Variants in OLFM3 observed in about 807,000 individuals in gnomAD.
The protein encoded by OLFM3 is olfactomedin 3.
A neutral mutation model predicts 48.6 loss-of-function variants in OLFM3; 20 were observed. The ratio of observed to expected loss-of-function variants is 0.41; its 90% CI spans 0.29 to 0.60. The LOEUF is 0.60. Ranked by LOEUF, OLFM3 falls within the 20% of genes least tolerant of loss-of-function variation. OLFM3 has a pLI of 0.28. For missense variants in OLFM3, 437 were observed against 544.3 expected (o/e 0.80, Z 1.96); for synonymous variants, 222 against 198.1 (o/e 1.12, Z -1.01).
chr1:101,844,622 G>T (rs1245209703), intron 1 of OLFM3, among the ~76,000 whole-genome samples: 3 of 152,088 alleles, frequency 2.0e-5, no homozygotes, highest in Non-Finnish European at 4.4e-5. Flanking sequence ...CTAAAGTCTT[G>T]AGAGCCCTAA....
chr1:101,849,394 T>G (rs1656136551), intron 1 of OLFM3, among the ~76,000 whole-genome samples: 1 of 152,190 alleles, frequency 6.6e-6, no homozygotes, highest in African/African-American at 2.4e-5. Context: ...ACAAGCATAG[T>G]GTGAATGGTA....
chr1:101,872,777 T>G (rs1657133372), intron 1 of OLFM3, among the ~76,000 whole-genome samples: 1 of 152,088 alleles, frequency 6.6e-6, no homozygotes, highest in Non-Finnish European at 1.5e-5. Context: ...AAGATGAACA[T>G]TTTGGTAGTT....
chr1:101,932,107 T>C (rs1659462248), intron 1 of OLFM3, among the ~76,000 whole-genome samples: 1 of 152,176 alleles, frequency 6.6e-6, no homozygotes, highest in South Asian at 2.1e-4. Flanking sequence ...TGCTATACTG[T>C]AAGGCTTTAT....
chr1:101,828,234 T>C (rs1260141226), intron 3 of OLFM3, among the ~76,000 whole-genome samples: 2 of 152,186 alleles, frequency 1.3e-5, no homozygotes, highest in East Asian at 1.9e-4. Flanking sequence ...AGTGTGAGAA[T>C]AGACCAATAC....
At chr1:101,981,596 C>G (rs1661107982) in intron 1 of OLFM3, among the ~76,000 whole-genome samples, 1 of 152,194 alleles carries the variant, frequency 6.6e-6, no homozygotes, top group Admixed American at 6.5e-5. Context: ...CTCCCCTGAA[C>G]TTCAAATAAC....
chr1:101,908,416 A>C (rs1658625066), intron 1 of OLFM3, among the ~76,000 whole-genome samples: 1 of 152,184 alleles, frequency 6.6e-6, no homozygotes, highest in South Asian at 2.1e-4. Flanking sequence ...AGCTCTTGAA[A>C]TTTCACACCT....
intron 1 of OLFM3, among the ~76,000 whole-genome samples, chr1:101,843,885 G>A (rs1655853689): frequency 6.6e-6 from 1 of 152,026 alleles, no homozygotes; most frequent in Non-Finnish European, 1.5e-5. Flanking sequence ...TTTAACCTCT[G>A]CGTATTCCAT....
chr1:101,977,422 A>C (rs1660985447), intron 1 of OLFM3, among the ~76,000 whole-genome samples: 1 of 152,150 alleles, frequency 6.6e-6, no homozygotes, highest in Non-Finnish European at 1.5e-5. Context: ...TGAGTACAAA[A>C]AGAGCGTAGA....
chr1:101,887,145 A>G (rs934266743), intron 1 of OLFM3, among the ~76,000 whole-genome samples: 6 of 151,846 alleles, frequency 4.0e-5, no homozygotes, highest in African/African-American at 1.4e-4. Flanking sequence ...TATTTGTATA[A>G]CCTCCTGGTG....
intron 1 of OLFM3, among the ~76,000 whole-genome samples, chr1:101,980,245 C>T (rs946011384): frequency 9.2e-5 from 14 of 151,926 alleles, no homozygotes; most frequent in African/African-American, 1.7e-4. Flanking sequence ...GGGGGACTGT[C>T]GGGAAGGCAT....
chr1:101,956,965 A>G (rs1404016781), intron 1 of OLFM3, among the ~76,000 whole-genome samples: 1 of 151,828 alleles, frequency 6.6e-6, no homozygotes, highest in Non-Finnish European at 1.5e-5. Context: ...GAGAATGTCC[A>G]TCCTAGGATC....
At chr1:101,885,928 C>T (rs1043098265) in intron 1 of OLFM3, among the ~76,000 whole-genome samples, 7 of 152,134 alleles carry the variant, frequency 4.6e-5, no homozygotes, top group Admixed American at 2.0e-4. Flanking sequence ...CTGCACAGGG[C>T]GTCAGCACCC....
chr1:101,956,811 T>C (rs1472313141), intron 1 of OLFM3, among the ~76,000 whole-genome samples: 1 of 151,910 alleles, frequency 6.6e-6, no homozygotes. Flanking sequence ...CTATAGGGAA[T>C]GAAAGAAAGA....
intron 4 of OLFM3, chr1:101,813,196 G>T: frequency 1.2e-6 from 1 of 800,126 alleles, no homozygotes; most frequent in Non-Finnish European, 1.8e-6. Flanking sequence ...AATCTGTATT[G>T]AGAAGAAAAG....
At chr1:101,914,722 G>A (rs1279801695) in intron 1 of OLFM3, among the ~76,000 whole-genome samples, 1 of 152,154 alleles carries the variant, frequency 6.6e-6, no homozygotes, top group Non-Finnish European at 1.5e-5. Context: ...GGCAAAGCCT[G>A]CATGCGGCTC....
At chr1:101,941,325 G>A (rs1308089919) in intron 1 of OLFM3, among the ~76,000 whole-genome samples, 1 of 152,138 alleles carries the variant, frequency 6.6e-6, no homozygotes. Context: ...CGTGGCTCAG[G>A]GTGTGGCTCA....
intron 1 of OLFM3, among the ~76,000 whole-genome samples, chr1:101,929,004 A>G (rs1659364038): frequency 6.6e-6 from 1 of 152,152 alleles, no homozygotes; most frequent in African/African-American, 2.4e-5. Flanking sequence ...AAGAGCATGC[A>G]TAGCCTGGGA....
intron 1 of OLFM3, among the ~76,000 whole-genome samples, chr1:101,885,627 T>A (rs1657721993): frequency 6.6e-6 from 1 of 152,052 alleles, no homozygotes; most frequent in Non-Finnish European, 1.5e-5. Context: ...GATGAAGACT[T>A]TTATAACGAT....
intron 1 of OLFM3, among the ~76,000 whole-genome samples, chr1:101,907,217 A>C (rs1658583702): frequency 6.6e-6 from 1 of 152,236 alleles, no homozygotes; most frequent in Admixed American, 6.5e-5. Flanking sequence ...ATTTACATGC[A>C]GTAAAAGGAA....
Sources: gnomAD v4.1 joint callset for allele counts (sites outside exome capture counted in the v4.1 genomes callset) on GRCh38, gnomAD v4.1.1 for gene constraint, MANE v1.5 for transcripts, NCBI Gene and HGNC (gene_info 2026-07-23, HGNC 2026-07-21) for gene names.